The following HRH2 variants were observed in gnomAD, a reference collection of about 807,000 sequenced individuals.
HRH2 encodes the protein histamine H2 receptor.
Under a neutral mutation model 20.1 loss-of-function variants are expected in HRH2, and 4 were observed. The ratio of observed to expected loss-of-function variants is 0.20; its 90% CI spans 0.10 to 0.45. HRH2 has a LOEUF of 0.45. Ranked by LOEUF, HRH2 falls within the 20% of genes least tolerant of loss-of-function variation. HRH2 has a pLI of 0.99. For missense variants in HRH2, 250 were observed against 461.6 expected (o/e 0.54, Z 4.20); for synonymous variants, 197 against 200.7 (o/e 0.98, Z 0.16).
intron 2 of HRH2, among the ~76,000 whole-genome samples, chr5:175,703,330 T>C (rs901722153): frequency 2.0e-5 from 3 of 152,140 alleles, no homozygotes; most frequent in Non-Finnish European, 4.4e-5. Context: ...GATCATGGGA[T>C]GAAGAAAAAG....
In HRH2 at chr5:175,677,083, C is replaced by G. The variant is rs770883887; in HGVS notation, c.-525-5626C>G. 6.6e-5 allele frequency among the ~76,000 whole-genome samples: 10 copies of G among 152,108 alleles called. 1 individual carries two copies. Among genetic ancestry groups the G allele is most frequent in the African/African-American group, 9.7e-5 (4 of 41,410 alleles). ...GATCTCAGTTCACTGCAGCCTTGAA[C>G]CCCTGGGCTCAAGCGATCTTCCCAC... is the stretch of plus-strand genomic sequence containing the variant. On this transcript the variant is annotated intron_variant, in intron 1 of 2. Coordinates refer to ENST00000636584, the MANE Select transcript of HRH2 (RefSeq NM_001367711.1). The surrounding 1 kb of genome is among the most constrained non-coding windows in gnomAD (Gnocchi z 4.2).
intron 2 of HRH2, among the ~76,000 whole-genome samples, chr5:175,701,462 T>C (rs978645772): frequency 6.6e-6 from 1 of 152,148 alleles, no homozygotes; most frequent in Non-Finnish European, 1.5e-5. Context: ...TCTCCAACTT[T>C]CAACTCGGCT....
intron 1 of HRH2, among the ~76,000 whole-genome samples, chr5:175,662,121 T>C (rs925692260): frequency 6.6e-6 from 1 of 152,038 alleles, no homozygotes; most frequent in African/African-American, 2.4e-5. Context: ...TCCTCAGGGC[T>C]TTGATAGGGG....
At chr5:175,696,345 A>G (rs1323620312) in intron 2 of HRH2, among the ~76,000 whole-genome samples, 3 of 152,088 alleles carry the variant, frequency 2.0e-5, no homozygotes, top group Non-Finnish European at 4.4e-5. Context: ...GTGTGGGCCA[A>G]CTCTGGGCCC....
chr5:175,705,531 C>A (rs781772706), intron 2 of HRH2, among the ~76,000 whole-genome samples: 10 of 152,108 alleles, frequency 6.6e-5, no homozygotes, highest in Admixed American at 2.0e-4. Context: ...CATAGTAAGG[C>A]TCCCTGAACC....
chr5:175,681,798 A>G lies in HRH2; in HGVS notation c.-525-911A>G, dbSNP rs1190768020. Among the ~76,000 whole-genome samples, 1 of 152,166 alleles carries G rather than the reference A, an allele frequency of 6.6e-6. No homozygotes were observed. Among genetic ancestry groups the G allele is most frequent in the Non-Finnish European group, 1.5e-5 (1 of 68,024 alleles). On this transcript the variant is annotated intron_variant, in intron 1 of 2. Coordinates refer to ENST00000636584, the MANE Select transcript of HRH2 (RefSeq NM_001367711.1). The surrounding 1 kb of genome is among the most constrained non-coding windows in gnomAD (Gnocchi z 4.3). ...CCCCACAGACTGTTATGCAACCATT[A>G]GAAGGAATGAGTGAGTTCTGTCCCT... is the stretch of plus-strand genomic sequence containing the variant.
Position 175,684,315 on chromosome 5 carries a change from A to T in HRH2, c.1076+6A>T. On this transcript the variant is annotated splice_donor_region_variant and intron_variant, in intron 2 of 2. Coordinates refer to ENST00000636584, the MANE Select transcript of HRH2 (RefSeq NM_001367711.1). ...CCCCAGGGAGCCACAGACAGGTAATAGCCCTAGCCATTGGTGCACAGGATG... is the reference window on the plus strand; with the variant it reads ...CCCCAGGGAGCCACAGACAGGTAATTGCCCTAGCCATTGGTGCACAGGATG... The T allele has an allele frequency of 4.3e-6, 7 of 1,611,776 alleles. No homozygotes were observed. Among genetic ancestry groups the T allele is most frequent in the Non-Finnish European group, 5.9e-6 (7 of 1,178,506 alleles).
chr5:175,703,300 G>C (rs1756848580), intron 2 of HRH2, among the ~76,000 whole-genome samples: 1 of 151,982 alleles, frequency 6.6e-6, no homozygotes, highest in African/African-American at 2.4e-5. Flanking sequence ...CTCTTACATA[G>C]TTGTAAACAT....
chr5:175,696,910 C>T (rs1160154611), intron 2 of HRH2, among the ~76,000 whole-genome samples: 3 of 152,222 alleles, frequency 2.0e-5, no homozygotes, highest in Non-Finnish European at 2.9e-5. Flanking sequence ...AGGAGCTCAG[C>T]GGATGGTGGC....
intron 1 of HRH2, among the ~76,000 whole-genome samples, chr5:175,659,063 C>T (rs1762657016): frequency 6.6e-6 from 1 of 152,144 alleles, no homozygotes; most frequent in South Asian, 2.1e-4. Context: ...CCCTCTGTGC[C>T]CTTTGCCAGA....
At chr5:175,699,784 G>A (rs949491552) in intron 2 of HRH2, among the ~76,000 whole-genome samples, 2 of 152,170 alleles carry the variant, frequency 1.3e-5, no homozygotes, top group East Asian at 1.9e-4. Flanking sequence ...CGTGTTAGCC[G>A]GAATGGTCTT....
chr5:175,685,752 G>T, intron 2 of HRH2: 1 of 544,026 alleles, frequency 1.8e-6, no homozygotes. Context: ...ATGAGCGAAG[G>T]GACATGAACA....
At chr5:175,675,433 C>T (rs183451453) in intron 1 of HRH2, among the ~76,000 whole-genome samples, 10 of 152,312 alleles carry the variant, frequency 6.6e-5, no homozygotes, top group Non-Finnish European at 1.3e-4. Flanking sequence ...AAGAGGTTGG[C>T]GGGGGCCAAT....
At chr5:175,660,663 A>G (rs1762712820) in intron 1 of HRH2, among the ~76,000 whole-genome samples, 1 of 152,162 alleles carries the variant, frequency 6.6e-6, no homozygotes, top group South Asian at 2.1e-4. Flanking sequence ...TTCTGAGAGC[A>G]GGGAGGAGGG....
At chr5:175,691,317 A>C (rs1756371826) in intron 2 of HRH2, 1 of 152,422 alleles carries the variant, frequency 6.6e-6, no homozygotes, top group African/African-American at 2.4e-5. Context: ...CAGCCTCAAA[A>C]GTCAAGGAGA....
At chr5:175,666,448 A>G (rs886837963) in intron 1 of HRH2, among the ~76,000 whole-genome samples, 1 of 152,026 alleles carries the variant, frequency 6.6e-6, no homozygotes, top group Admixed American at 6.5e-5. Flanking sequence ...GGTTTTTGAG[A>G]TAGAGTCTCA....
At chr5:175,696,314 T>A (rs144992927) in intron 2 of HRH2, among the ~76,000 whole-genome samples, 1 of 152,314 alleles carries the variant, frequency 6.6e-6, no homozygotes, top group Non-Finnish European at 1.5e-5. Context: ...GAGACCTGAG[T>A]GTGACCCCGA....
rs1756074768 is a variant in HRH2 at position 175,683,833 on chromosome 5, C to T, written c.600C>T (p.Ile200=). Reference sequence around the variant, plus strand: ...ACCTCCCGCTACTGATCATGTGCATCACCTACTACCGCATCTTCAAGGTCG... The same window carrying T: ...ACCTCCCGCTACTGATCATGTGCATTACCTACTACCGCATCTTCAAGGTCG... ...TFYLPLLIMC[I]TYYRIFKVAR... The change falls in exon 2 of 3, where the codon ATC becomes ATT. Residue 200 remains isoleucine, a synonymous_variant. Coordinates refer to ENST00000636584, the MANE Select transcript of HRH2 (RefSeq NM_001367711.1). The T allele has an allele frequency of 3.7e-6, 6 of 1,614,060 alleles. No homozygotes were observed. Among genetic ancestry groups the T allele is most frequent in the South Asian group, 2.2e-5 (2 of 91,084 alleles).
chr5:175,672,966 G>C (rs780826308), intron 1 of HRH2, among the ~76,000 whole-genome samples: 16 of 151,820 alleles, frequency 1.1e-4, no homozygotes, highest in Non-Finnish European at 2.2e-4. Flanking sequence ...AGCAAGGTTA[G>C]GGGGGCCAGT....
Sources: allele counts gnomAD v4.1 joint callset (sites outside exome capture counted in the v4.1 genomes callset), GRCh38; gene constraint gnomAD v4.1.1; non-coding constraint Gnocchi (gnomAD v3.1); transcripts MANE v1.5; gene names NCBI Gene and HGNC (gene_info 2026-07-23, HGNC 2026-07-21).